ZBTB48: variants seen among roughly 807,000 people sequenced by gnomAD.
ZBTB48 encodes zinc finger and BTB domain-containing protein 48.
A neutral mutation model predicts 64.5 loss-of-function variants in ZBTB48; 35 were observed. The ratio of observed to expected loss-of-function variants is 0.54; its 90% confidence interval spans 0.41 to 0.72. The LOEUF (loss-of-function observed/expected upper bound fraction) is 0.72, where lower values mean the gene tolerates loss of function less well. Among genes scored for constraint, ZBTB48 ranks in the 30% least tolerant of loss-of-function variants. The pLI, the probability that ZBTB48 is intolerant of heterozygous loss-of-function variation, is 0.00. For missense variants in ZBTB48, 828 were observed against 895.3 expected, an observed-to-expected ratio of 0.92 and a Z score of 0.96; for synonymous variants, 442 against 356.7, an observed-to-expected ratio of 1.24 and a Z score of -2.70.
chr1:6,581,988 G>GC (rs1640486356), intron 2 of ZBTB48, 70 bp from the exon 3 acceptor site: 19 of 1,590,854 alleles, frequency 1.2e-5, no homozygotes, highest in Non-Finnish European at 1.6e-5. Flanking sequence ...TGGAACTGGA[G>GC]CTGGGTCCCT....
intron 4 of ZBTB48, 109 bp from the exon 5 acceptor site, chr1:6,586,586 C>T: frequency 7.1e-7 from 1 of 1,400,526 alleles, no homozygotes; most frequent in African/African-American, 1.5e-5. Flanking sequence ...GCGTCCCCAC[C>T]CTCCCCAGGC....
intron 2 of ZBTB48, among the ~76,000 whole-genome samples, 184 bp from the exon 3 acceptor site, chr1:6,581,874 A>G (rs555527686): frequency 6.6e-6 from 1 of 152,140 alleles, no homozygotes; most frequent in African/African-American, 2.4e-5. Flanking sequence ...CCAGTTCCCC[A>G]CAAACACAGC....
In ZBTB48 at chr1:6,580,763, C is replaced by T. The variant is rs778314684; in HGVS notation, c.154C>T (p.Gln52Ter). The change falls in exon 2 of 11, where the codon CAG becomes TAG. Residue 52 changes from glutamine (Q) to a stop codon, truncating the protein, a stop_gained. Coordinates refer to ENST00000377674, the MANE Select transcript of ZBTB48 (RefSeq NM_005341.4). LOFTEE classifies it high-confidence loss of function. This position sits in a 1 kb window ranked among gnomAD's most constrained non-coding sequence, Gnocchi z 5.2. ...SVLACCSHFF[Q>*]SLYGDGSGGS... ...CCTTGCCTGCTGCAGTCACTTTTTC[C>T]AGAGCCTCTACGGGGATGGCTCAGG... 1 of 1,614,222 alleles carries T rather than the reference C, an allele frequency of 6.2e-7. No homozygotes were observed. The highest frequency in any genetic ancestry group is 8.5e-7 in the Non-Finnish European group (1 of 1,180,040).
In ZBTB48 at chr1:6,589,173, C is replaced by T. The variant is rs144835840; in HGVS notation, c.2028C>T (p.Leu676=). 8.4e-4 allele frequency: 1,297 copies of T among 1,544,662 alleles called. 3 individuals are homozygous for T. Among genetic ancestry groups the T allele is most frequent in the Admixed American group, 1.2e-3 (58 of 46,880 alleles). The part of the protein sequence containing the change: ...FTGPGVLEPS[L]IITAAVPEDC... ...GCCCAGGTGTCCTGGAGCCCTCCCT[C>T]ATCATCACAGCTGCTGTCCCCGAGG... The change falls in exon 11 of 11, where the codon CTC becomes CTT. Residue 676 remains leucine (L), a synonymous_variant. Coordinates refer to ENST00000377674, the MANE Select transcript of ZBTB48 (RefSeq NM_005341.4).
At position 6,584,676 on chromosome 1, in the gene ZBTB48, G is replaced by GT. The variant is rs1360465570; in HGVS notation, c.933-1242dup. ...GCTTGCTTTCAAGTACTCTGCTGGGGTAAGACTCTGGGGCAGTTTCCATCC... is the reference window on the plus strand; with the variant it reads ...GCTTGCTTTCAAGTACTCTGCTGGGGTTAAGACTCTGGGGCAGTTTCCATCC... On this transcript the variant is annotated intron_variant, in intron 3 of 10. Transcript: ENST00000377674. The surrounding 1 kb of genome is among the most constrained non-coding windows in gnomAD (Gnocchi z 4.5). Among the ~76,000 whole-genome samples the GT allele has an allele frequency of 1.3e-5, 2 of 152,238 alleles. No homozygotes were observed. The highest frequency in any genetic ancestry group is 1.5e-5 in the Non-Finnish European group (1 of 68,046).
Position 6,580,602 on chromosome 1 carries a change from T to C in ZBTB48, c.-8T>C. 6.2e-7 allele frequency: 1 copy of C among 1,604,758 alleles called. No homozygotes were observed. The highest frequency in any genetic ancestry group is 8.5e-7 in the Non-Finnish European group (1 of 1,173,432). On this transcript the variant is annotated 5_prime_UTR_variant, in exon 2 of 11. Coordinates refer to ENST00000377674, the MANE Select transcript of ZBTB48 (RefSeq NM_005341.4). The surrounding 1 kb of genome is among the most constrained non-coding windows in gnomAD (Gnocchi z 5.2). ...GGGTGTCACTTCTGCCTCCCTGCCCTCCAGACCATGGACGGCTCCTTCGTC... is the reference window on the plus strand; with the variant it reads ...GGGTGTCACTTCTGCCTCCCTGCCCCCCAGACCATGGACGGCTCCTTCGTC...
chr1:6,580,896 T>C lies in ZBTB48; in HGVS notation c.287T>C (p.Leu96Pro). 1 of 1,614,124 alleles carries C rather than the reference T, an allele frequency of 6.2e-7. No individual in the cohort carries two copies. The highest frequency in any genetic ancestry group is 8.5e-7 in the Non-Finnish European group (1 of 1,180,048). ...ALTSGNRDQVLLAARELRVPE... is the reference protein window; with the variant it reads ...ALTSGNRDQVPLAARELRVPE... ...ACCTCAGGGAACCGGGATCAGGTGC[T>C]CCTGGCAGCCAGGGAGTTGCGAGTG... The change falls in exon 2 of 11, where the codon CTC (leucine) becomes CCC (proline). Residue 96 changes from leucine (L) to proline (P), a missense_variant. Coordinates refer to ENST00000377674, the MANE Select transcript of ZBTB48 (RefSeq NM_005341.4). This position sits in a 1 kb window ranked among gnomAD's most constrained non-coding sequence, Gnocchi z 5.2.
chr1:6,587,941 G>T (rs766265163), intron 7 of ZBTB48, 119 bp from the exon 8 acceptor site: 39 of 1,387,010 alleles, frequency 2.8e-5, no homozygotes, highest in African/African-American at 4.3e-5. Context: ...GGTGGAGGTG[G>T]TGCCCCTTTC....
chr1:6,587,733 T>C (rs1640728106), intron 7 of ZBTB48, 101 bp downstream of exon 7: 1 of 1,523,696 alleles, frequency 6.6e-7, no homozygotes, highest in African/African-American at 1.4e-5. Context: ...CAGATGAGTG[T>C]GCCCTTGGCC....
rs766873713 is a variant in ZBTB48 at position 6,589,061 on chromosome 1, C to T, written c.1916C>T (p.Ala639Val). ...QPPAELEVGS[A>V]EVIVESLAQG... Reference sequence around the variant, plus strand: ...CCTGCAGAGCTGGAGGTGGGCTCGGCGGAGGTCATTGTGGAGTCCCTGGCC... The same window carrying T: ...CCTGCAGAGCTGGAGGTGGGCTCGGTGGAGGTCATTGTGGAGTCCCTGGCC... Residue 639 changes from alanine to valine, a missense_variant, in exon 11 of 11, where the codon GCG becomes GTG. Ala to Val is a moderately conservative substitution (Grantham distance 64). Transcript: ENST00000377674. The T allele has an allele frequency of 4.4e-6, 7 of 1,605,858 alleles. No individual in the cohort carries two copies. Among genetic ancestry groups the T allele is most frequent in the East Asian group, 2.2e-5 (1 of 44,822 alleles).
chr1:6,587,607 CA>C lies in ZBTB48; in HGVS notation c.1355del (p.Gln452ArgfsTer86). ...CCGGGCCTCGAGCCGGAATGGCCTG[CA>C]GATGCACATCAAGGCCAAGCACAGG... ...GHRASSRNGL[Q>X]MHIKAKHRNE... On this transcript the variant is annotated frameshift_variant, in exon 7 of 11. Coordinates refer to ENST00000377674, the MANE Select transcript of ZBTB48 (RefSeq NM_005341.4). LOFTEE classifies it high-confidence loss of function. 1 of 1,613,524 alleles carries C rather than the reference CA, an allele frequency of 6.2e-7. No individual in the cohort carries two copies. Among genetic ancestry groups the C allele is most frequent in the Non-Finnish European group, 8.5e-7 (1 of 1,180,038 alleles).
At position 6,584,663 on chromosome 1, in the gene ZBTB48, G is replaced by A. The variant is rs731024; in HGVS notation, c.933-1256G>A. ...TGTACTGCTGGATGCTTGCTTTCAA[G>A]TACTCTGCTGGGGTAAGACTCTGGG... On this transcript the variant is annotated intron_variant, in intron 3 of 10. Transcript: ENST00000377674. The surrounding 1 kb of genome is among the most constrained non-coding windows in gnomAD (Gnocchi z 4.5). Among the ~76,000 whole-genome samples, 40,092 of 152,198 alleles carry A rather than the reference G, an allele frequency of 0.26. 6,427 individuals carry two copies. Among genetic ancestry groups the A allele is most frequent in the South Asian group, 0.45 (2,163 of 4,826 alleles).
At chr1:6,581,392 T>C in intron 2 of ZBTB48, 93 bp downstream of exon 2, 1 of 1,349,530 alleles carries the variant, frequency 7.4e-7, no homozygotes, top group Non-Finnish European at 9.8e-7. Flanking sequence ...GTGTGATGGC[T>C]CACTCACGCC....
chr1:6,583,147 C>T (rs1175537445), intron 3 of ZBTB48, among the ~76,000 whole-genome samples: 1 of 151,918 alleles, frequency 6.6e-6, no homozygotes, highest in African/African-American at 2.4e-5. Context: ...CATGCCACCA[C>T]ACCCGGCTAA....
chr1:6,587,403 G>A (rs931146205), intron 6 of ZBTB48, 75 bp from the exon 7 acceptor site: 4 of 1,607,668 alleles, frequency 2.5e-6, no homozygotes, highest in Non-Finnish European at 3.4e-6. Context: ...GGGTGCTTGT[G>A]GGTCTCCCAG....
At chr1:6,587,130 C>G in intron 5 of ZBTB48, 75 bp from the exon 6 acceptor site, 1 of 1,513,396 alleles carries the variant, frequency 6.6e-7, no homozygotes, top group Middle Eastern at 1.7e-4. Flanking sequence ...AGTTCCTGCC[C>G]TATAGCCCAA....
chr1:6,587,434 C>A (rs369987683), intron 6 of ZBTB48, 44 bp from the exon 7 acceptor site: 14 of 1,612,344 alleles, frequency 8.7e-6, no homozygotes, highest in Non-Finnish European at 1.2e-5. Flanking sequence ...CCTGCTCTCA[C>A]CCTGGCCCTG....
chr1:6,586,568 C>G, intron 4 of ZBTB48, 127 bp from the exon 5 acceptor site: 13 of 1,386,502 alleles, frequency 9.4e-6, no homozygotes, highest in Admixed American at 3.0e-5. Context: ...TTGCCCTCTC[C>G]CACCCTAGCG....
intron 9 of ZBTB48, 81 bp from the exon 10 acceptor site, chr1:6,588,675 G>A: frequency 3.8e-6 from 6 of 1,592,214 alleles, no homozygotes; most frequent in Non-Finnish European, 5.1e-6. Flanking sequence ...CTCCCTTGCT[G>A]CCTGTCCCAA....
Sources: gnomAD v4.1 joint callset for allele counts (sites outside exome capture counted in the v4.1 genomes callset) on GRCh38, gnomAD v4.1.1 for gene constraint, Gnocchi (gnomAD v3.1) non-coding constraint, MANE v1.5 for transcripts, NCBI Gene and HGNC (gene_info 2026-07-23, HGNC 2026-07-21) for gene names.